Variants in ANK3 observed in about 807,000 individuals in gnomAD.
The protein encoded by ANK3 is ankyrin-3.
Under a neutral mutation model 370.9 loss-of-function variants are expected in ANK3, and 57 were observed. The observed-to-expected ratio is 0.15, with a 90% CI of 0.12 to 0.19. The LOEUF (loss-of-function observed/expected upper bound fraction) is 0.19, where lower values mean the gene tolerates loss of function less well. Among genes scored for constraint, ANK3 ranks in the 10% least tolerant of loss-of-function variants. The pLI, the probability that ANK3 is intolerant of heterozygous loss-of-function variation, is 1.00. For synonymous variants in ANK3, 1,929 were observed against 1,946.3 expected (o/e 0.99, Z 0.23); for missense variants, 4,439 against 5,302.1 (o/e 0.84, Z 5.06).
At chr10:60,291,177 A>G (rs2041292429) in intron 1 of ANK3, among the ~76,000 whole-genome samples, 1 of 152,148 alleles carries the variant, frequency 6.6e-6, no homozygotes, top group Non-Finnish European at 1.5e-5. Context: ...CATAGACTTG[A>G]TTATGTTCAG....
intron 2 of ANK3, among the ~76,000 whole-genome samples, chr10:60,420,795 T>C (rs2063762538): frequency 6.6e-6 from 1 of 152,064 alleles, no homozygotes; most frequent in Non-Finnish European, 1.5e-5. Context: ...TTACCTTAAG[T>C]GGTTCCTCCA....
chr10:60,339,194 G>A (rs10994308), intron 1 of ANK3, among the ~76,000 whole-genome samples: 18,072 of 152,026 alleles, frequency 0.12, 1,462 homozygotes, highest in East Asian at 0.25. Context: ...ACTAACATCT[G>A]TGGGAGTTTA....
chr10:60,128,069 C>A (rs570756803), intron 25 of ANK3, among the ~76,000 whole-genome samples: 1 of 152,210 alleles, frequency 6.6e-6, no homozygotes, highest in East Asian at 1.9e-4. Flanking sequence ...AAATAAAAGA[C>A]TTTATTAGGA....
intron 2 of ANK3, among the ~76,000 whole-genome samples, chr10:60,414,738 G>A (rs1004615402): frequency 3.3e-5 from 5 of 152,248 alleles, no homozygotes; most frequent in Middle Eastern, 3.4e-3. Flanking sequence ...TGGTTCCATC[G>A]CTTTTTTTGG....
chr10:60,101,032 C>T (rs894444946), intron 28 of ANK3, among the ~76,000 whole-genome samples: 1 of 152,196 alleles, frequency 6.6e-6, no homozygotes, highest in Non-Finnish European at 1.5e-5. Flanking sequence ...ATCCCCCCAC[C>T]TCAGCCTCCT....
chr10:60,162,158 T>C (rs2095516134), intron 23 of ANK3, among the ~76,000 whole-genome samples: 1 of 152,200 alleles, frequency 6.6e-6, no homozygotes, highest in Non-Finnish European at 1.5e-5. Context: ...TATGCATTCT[T>C]GGGTTCTATA....
intron 1 of ANK3, among the ~76,000 whole-genome samples, chr10:60,687,098 T>C (rs1442151498): frequency 2.0e-5 from 3 of 152,192 alleles, no homozygotes; most frequent in Non-Finnish European, 2.9e-5. Context: ...TAGTAAACTA[T>C]ATCATCTAGG....
At chr10:60,186,626 G>T in intron 17 of ANK3, 89 bp downstream of exon 17, 1 of 1,337,678 alleles carries the variant, frequency 7.5e-7, no homozygotes, top group South Asian at 1.2e-5. Flanking sequence ...CATCCTATTT[G>T]ACTCAGATCT....
chr10:60,405,158 A>G (rs190038544), intron 2 of ANK3, among the ~76,000 whole-genome samples: 9 of 152,282 alleles, frequency 5.9e-5, no homozygotes, highest in African/African-American at 1.9e-4. Flanking sequence ...CCTATAACCT[A>G]GCAATTCCAC....
chr10:60,564,481 T>C (rs2077412845), intron 2 of ANK3, among the ~76,000 whole-genome samples: 1 of 152,190 alleles, frequency 6.6e-6, no homozygotes. Context: ...GAAACTGCCG[T>C]GTGCTCAAGG....
intron 1 of ANK3, among the ~76,000 whole-genome samples, chr10:60,310,271 G>A (rs1369516740): frequency 6.6e-6 from 1 of 151,972 alleles, no homozygotes; most frequent in Non-Finnish European, 1.5e-5. Context: ...ATACACATGT[G>A]CACACTCACC....
intron 8 of ANK3, among the ~76,000 whole-genome samples, chr10:60,233,672 C>T (rs562588090): frequency 3.3e-5 from 5 of 152,184 alleles, no homozygotes; most frequent in African/African-American, 4.8e-5. Flanking sequence ...CCTGGACTCA[C>T]GTGATCCTCC....
In ANK3 at chr10:60,539,980, A is replaced by C. The variant is rs145031476; in HGVS notation, c.96+75206T>G. 5.3e-4 allele frequency among the ~76,000 whole-genome samples: 80 copies of C among 152,128 alleles called. 1 individual carries two copies. Among genetic ancestry groups the C allele is most frequent in the African/African-American group, 1.7e-3 (72 of 41,546 alleles). On this transcript the variant is annotated intron_variant, in intron 2 of 43. Transcript: ENST00000373827. ...AATAATACAAAATCAAGAGAGGAAA[A>C]GTCATGGACAAGGGGTACATTTTGG...
intron 2 of ANK3, among the ~76,000 whole-genome samples, chr10:60,402,879 G>A (rs1381002495): frequency 1.3e-5 from 2 of 152,128 alleles, no homozygotes; most frequent in Admixed American, 6.5e-5. Context: ...TTCCAGCCCA[G>A]TGGCCAGCCT....
At chr10:60,437,105 T>C (rs1426483815) in intron 2 of ANK3, among the ~76,000 whole-genome samples, 1 of 152,226 alleles carries the variant, frequency 6.6e-6, no homozygotes, top group Non-Finnish European at 1.5e-5. Context: ...CCAGAGTGTT[T>C]AGACCACTTG....
At chr10:60,733,198 C>T (rs2080051156) in intron 1 of ANK3, 7 of 1,222,406 alleles carry the variant, frequency 5.7e-6, no homozygotes, top group Non-Finnish European at 6.1e-6. Context: ...GCCTCCCGCC[C>T]GCCCGGGTCC....
At chr10:60,515,377 G>A (rs1297593563) in intron 2 of ANK3, among the ~76,000 whole-genome samples, 2 of 152,016 alleles carry the variant, frequency 1.3e-5, no homozygotes, top group African/African-American at 4.8e-5. Flanking sequence ...AGAACCTCCA[G>A]GCAAAAATCA....
intron 1 of ANK3, among the ~76,000 whole-genome samples, chr10:60,642,897 T>C (rs1399743941): frequency 2.2e-5 from 3 of 134,510 alleles, no homozygotes; most frequent in Admixed American, 1.6e-4. Flanking sequence ...TTATACATGA[T>C]ATAAAACTTG....
At chr10:60,335,477 C>G (rs2052602375) in intron 1 of ANK3, among the ~76,000 whole-genome samples, 1 of 152,126 alleles carries the variant, frequency 6.6e-6, no homozygotes. Flanking sequence ...CAGGCCTGGA[C>G]CATTCCTGCT....
Sources: allele counts gnomAD v4.1 joint callset (sites outside exome capture counted in the v4.1 genomes callset), GRCh38; gene constraint gnomAD v4.1.1; transcripts MANE v1.5; gene names NCBI Gene and HGNC (gene_info 2026-07-23, HGNC 2026-07-21).